The following SUPT3H variants were observed in gnomAD, a reference collection of about 807,000 sequenced individuals.
The protein encoded by SUPT3H is transcription initiation protein SPT3 homolog.
SUPT3H carries 44 observed loss-of-function variants against 44.3 expected under a neutral mutation model. That is an observed-to-expected ratio of 0.99 (90% CI 0.78 to 1.28). The LOEUF (loss-of-function observed/expected upper bound fraction) is 1.28, where lower values mean the gene tolerates loss of function less well. SUPT3H is among the 50% of genes most tolerant of loss of function. The pLI, the probability that SUPT3H is intolerant of heterozygous loss-of-function variation, is 0.00. For synonymous variants in SUPT3H, 124 were observed against 125.6 expected (o/e 0.99, Z 0.09); for missense variants, 380 against 387.1 (o/e 0.98, Z 0.15).
At chr6:45,176,223 G>T (rs531098870) in intron 2 of SUPT3H, among the ~76,000 whole-genome samples, 2 of 151,614 alleles carry the variant, frequency 1.3e-5, no homozygotes, top group Non-Finnish European at 2.9e-5. Flanking sequence ...TGCGCGCACC[G>T]TGCGCGAGCC....
chr6:44,885,397 G>A (rs867434640), intron 10 of SUPT3H, among the ~76,000 whole-genome samples: 8 of 151,940 alleles, frequency 5.3e-5, no homozygotes, highest in South Asian at 4.2e-4. Context: ...TCACACGTCC[G>A]GGTACTCCTC....
intron 2 of SUPT3H, among the ~76,000 whole-genome samples, chr6:45,270,968 G>A (rs1470079663): frequency 6.6e-6 from 1 of 152,194 alleles, no homozygotes; most frequent in Non-Finnish European, 1.5e-5. Flanking sequence ...GAGATTAGTG[G>A]CATCTTGCCC....
chr6:44,909,342 A>T (rs1766650265), intron 10 of SUPT3H, among the ~76,000 whole-genome samples: 1 of 151,998 alleles, frequency 6.6e-6, no homozygotes. Context: ...GTTAATTAAT[A>T]ACTCCCTCCC....
intron 10 of SUPT3H, among the ~76,000 whole-genome samples, chr6:44,904,133 C>A (rs532545803): frequency 2.6e-5 from 4 of 152,258 alleles, no homozygotes; most frequent in African/African-American, 9.6e-5. Context: ...GACAGGGATG[C>A]CCTCTCTCAC....
At chr6:45,165,109 G>C (rs1284123684) in intron 2 of SUPT3H, among the ~76,000 whole-genome samples, 2 of 151,906 alleles carry the variant, frequency 1.3e-5, no homozygotes, top group African/African-American at 4.8e-5. Flanking sequence ...CAATAACAAG[G>C]AACAGCAGTT....
chr6:45,310,490 T>A (rs1331060974), intron 2 of SUPT3H, among the ~76,000 whole-genome samples: 1 of 152,038 alleles, frequency 6.6e-6, no homozygotes, highest in African/African-American at 2.4e-5. Context: ...AAATAGAGCA[T>A]TAAACCACCA....
chr6:45,154,001 CGGA>C (rs2153597771), intron 2 of SUPT3H, among the ~76,000 whole-genome samples: 1 of 136,924 alleles, frequency 7.3e-6, no homozygotes, highest in African/African-American at 2.7e-5. Context: ...ACCCGGGAGG[CGGA>C]GGTTCCAGTG....
At chr6:44,905,065 C>A (rs1198849883) in intron 10 of SUPT3H, among the ~76,000 whole-genome samples, 2 of 152,160 alleles carry the variant, frequency 1.3e-5, no homozygotes, top group African/African-American at 2.4e-5. Context: ...ACCATAAAAA[C>A]CCTAGAAGAA....
chr6:45,106,654 G>A lies in SUPT3H; in HGVS notation c.102-648C>T, dbSNP rs143878055. On this transcript the variant is annotated intron_variant, in intron 2 of 10. Coordinates refer to ENST00000371459, the MANE Select transcript of SUPT3H (RefSeq NM_003599.4). The stretch of plus-strand genomic sequence containing the variant: ...CGGGTTCAAGCAATTCTCCTACCAC[G>A]ACCTCTAGAGTAGCTGGGACTACAG... Among the ~76,000 whole-genome samples the A allele has an allele frequency of 1.2e-3, 183 of 151,668 alleles. 2 individuals are homozygous for A. Among genetic ancestry groups the A allele is most frequent in the African/African-American group, 4.2e-3 (172 of 41,296 alleles).
intron 2 of SUPT3H, among the ~76,000 whole-genome samples, chr6:45,235,090 A>G (rs1768843568): frequency 6.6e-6 from 1 of 152,200 alleles, no homozygotes; most frequent in South Asian, 2.1e-4. Context: ...TTAACACTGG[A>G]AAGAAAGCCA....
At chr6:45,161,597 G>A (rs1808979977) in intron 2 of SUPT3H, among the ~76,000 whole-genome samples, 2 of 152,084 alleles carry the variant, frequency 1.3e-5, no homozygotes, top group Non-Finnish European at 2.9e-5. Flanking sequence ...CACTGTACAT[G>A]AAGTCAGAGC....
At chr6:44,962,378 A>G (rs1450147701) in intron 6 of SUPT3H, among the ~76,000 whole-genome samples, 2 of 152,066 alleles carry the variant, frequency 1.3e-5, no homozygotes, top group Non-Finnish European at 2.9e-5. Flanking sequence ...TCATTTGTGG[A>G]GTTTTTGATT....
At chr6:44,997,760 T>A (rs931463865) in intron 6 of SUPT3H, among the ~76,000 whole-genome samples, 19 of 151,872 alleles carry the variant, frequency 1.3e-4, no homozygotes, top group Non-Finnish European at 2.5e-4. Context: ...ACTATCATGA[T>A]GTCTGTTCAT....
chr6:45,174,691 C>A (rs1811394421), intron 2 of SUPT3H, among the ~76,000 whole-genome samples: 1 of 152,072 alleles, frequency 6.6e-6, no homozygotes, highest in African/African-American at 2.4e-5. Flanking sequence ...AGAGCAACAT[C>A]TATAAAAAAG....
chr6:45,051,120 A>G (rs1386777051), intron 3 of SUPT3H, among the ~76,000 whole-genome samples: 1 of 152,062 alleles, frequency 6.6e-6, no homozygotes, highest in East Asian at 1.9e-4. Context: ...CGAACTCCTG[A>G]CCTCGTGATC....
chr6:45,018,082 C>A (rs1472953895), intron 4 of SUPT3H, among the ~76,000 whole-genome samples: 3 of 151,836 alleles, frequency 2.0e-5, no homozygotes, highest in Non-Finnish European at 2.9e-5. Context: ...AGTTGGATTC[C>A]TAGGTATTTT....
intron 4 of SUPT3H, among the ~76,000 whole-genome samples, chr6:45,019,343 T>C (rs1583090065): frequency 1.3e-5 from 2 of 152,100 alleles, no homozygotes; most frequent in Non-Finnish European, 2.9e-5. Flanking sequence ...TGTGTGTCTA[T>C]TTCCTTCAGT....
chr6:44,923,813 CCTG>C (rs1476634727), intron 10 of SUPT3H, among the ~76,000 whole-genome samples: 1 of 151,842 alleles, frequency 6.6e-6, no homozygotes, highest in Non-Finnish European at 1.5e-5. Context: ...CCCACATCTG[CCTG>C]CTGATTAAAA....
At chr6:44,908,629 T>C (rs1047732317) in intron 10 of SUPT3H, among the ~76,000 whole-genome samples, 7 of 152,174 alleles carry the variant, frequency 4.6e-5, no homozygotes. Flanking sequence ...CTTCGTAAAT[T>C]AGACCCATTC....
Sources: allele counts gnomAD v4.1 joint callset (sites outside exome capture counted in the v4.1 genomes callset), GRCh38; gene constraint gnomAD v4.1.1; transcripts MANE v1.5; gene names NCBI Gene and HGNC (gene_info 2026-07-23, HGNC 2026-07-21).